MAP2K1: variants seen among roughly 807,000 people sequenced by gnomAD.
The protein encoded by MAP2K1 is dual specificity mitogen-activated protein kinase kinase 1.
A neutral mutation model predicts 46.3 loss-of-function variants in MAP2K1; 16 were observed. The ratio of observed to expected loss-of-function variants is 0.35; its 90% confidence interval spans 0.23 to 0.52. The LOEUF is 0.52. Among genes scored for constraint, MAP2K1 ranks in the 20% least tolerant of loss-of-function variants. MAP2K1 has a pLI of 0.94. For missense variants in MAP2K1, 263 were observed against 497.1 expected, an observed-to-expected ratio of 0.53 and a Z score of 4.48; for synonymous variants, 183 against 185.6, an observed-to-expected ratio of 0.99 and a Z score of 0.11.
intron 1 of MAP2K1, among the ~76,000 whole-genome samples, chr15:66,402,972 C>T (rs2093385963): frequency 6.6e-6 from 1 of 152,024 alleles, no homozygotes. Context: ...TTCCAAGGAG[C>T]TGTGAAAAAA....
intron 1 of MAP2K1, chr15:66,415,320 T>C: frequency 3.2e-6 from 1 of 315,294 alleles, no homozygotes. Context: ...GACACTCCTA[T>C]TACTTGAGAA....
chr15:66,489,437 C>T lies in MAP2K1; in HGVS notation c.1022+161C>T. The T allele has an allele frequency of 5.4e-6, 4 of 741,618 alleles. 1 individual carries two copies. The South Asian group carries it at 6.0e-5, about 11-fold the overall frequency. 45.9% of individuals were successfully genotyped at this position (741,618 alleles called of 1,614,324 possible). On this transcript the variant is annotated intron_variant, in intron 9 of 10. Coordinates refer to ENST00000307102, the MANE Select transcript of MAP2K1 (RefSeq NM_002755.4). ...CTGCCATAAGCCCTTTTTTAGAGTG[C>T]CAAGACTTATGTGGCATGTCTAACT... is the stretch of plus-strand genomic sequence containing the variant.
intron 1 of MAP2K1, among the ~76,000 whole-genome samples, chr15:66,419,998 A>G (rs537087982): frequency 1.3e-5 from 2 of 152,160 alleles, no homozygotes; most frequent in African/African-American, 4.8e-5. Context: ...TAGTCCCAGC[A>G]CTTTGGGAGG....
chr15:66,405,382 C>G (rs2093393895), intron 1 of MAP2K1, among the ~76,000 whole-genome samples: 1 of 152,174 alleles, frequency 6.6e-6, no homozygotes. Flanking sequence ...GGCTCAGTGT[C>G]CATGTGTGGC....
chr15:66,393,362 G>T (rs773464241), intron 1 of MAP2K1, among the ~76,000 whole-genome samples: 1 of 152,006 alleles, frequency 6.6e-6, no homozygotes, highest in Non-Finnish European at 1.5e-5. Context: ...ATTTTTAGTA[G>T]AGACAGGGTT....
chr15:66,446,078 A>G (rs777569438), intron 5 of MAP2K1, among the ~76,000 whole-genome samples: 1 of 152,078 alleles, frequency 6.6e-6, no homozygotes, highest in African/African-American at 2.4e-5. Context: ...ACCGAAAATT[A>G]GCCGGGCGTG....
intron 1 of MAP2K1, among the ~76,000 whole-genome samples, chr15:66,397,165 C>G (rs1034203036): frequency 6.6e-6 from 1 of 151,612 alleles, no homozygotes; most frequent in East Asian, 1.9e-4. Context: ...CCACCACGCC[C>G]GGCTAATTTT....
chr15:66,464,588 G>A (rs1224618291), intron 5 of MAP2K1, among the ~76,000 whole-genome samples: 4 of 151,944 alleles, frequency 2.6e-5, no homozygotes, highest in East Asian at 2.0e-4. Flanking sequence ...GCAGTGGCGT[G>A]ATCTTGGCTC....
At chr15:66,470,734 A>G (rs1031154707) in intron 5 of MAP2K1, among the ~76,000 whole-genome samples, 8 of 152,202 alleles carry the variant, frequency 5.3e-5, no homozygotes. Flanking sequence ...ACCTCCACTC[A>G]GAATCCCTTG....
chr15:66,407,037 G>A (rs1309259981), intron 1 of MAP2K1, among the ~76,000 whole-genome samples: 1 of 152,162 alleles, frequency 6.6e-6, no homozygotes, highest in East Asian at 1.9e-4. Context: ...GGCAACAGCT[G>A]GAAGGGGTCC....
At chr15:66,472,075 CA>C (rs56820379) in intron 5 of MAP2K1, among the ~76,000 whole-genome samples, 14 of 91,550 alleles carry the variant, frequency 1.5e-4, no homozygotes, top group Admixed American at 3.8e-4. Flanking sequence ...GACTCCATCT[CA>C]AAAAAAAAAA....
At chr15:66,440,064 C>G (rs1451929063) in intron 3 of MAP2K1, among the ~76,000 whole-genome samples, 1 of 151,706 alleles carries the variant, frequency 6.6e-6, no homozygotes, top group Non-Finnish European at 1.5e-5. Flanking sequence ...TTTCTCCGAT[C>G]AATTTTGGGG....
intron 1 of MAP2K1, among the ~76,000 whole-genome samples, chr15:66,421,115 CACACACACACATAT>C (rs1330334683): frequency 3.7e-4 from 30 of 81,646 alleles, no homozygotes; most frequent in African/African-American, 9.1e-4. Context: ...CACACACACA[CACACACACACATAT>C]ATATATATAT....
chr15:66,444,296 G>A (rs180786801), intron 4 of MAP2K1, among the ~76,000 whole-genome samples: 231 of 150,930 alleles, frequency 1.5e-3, no homozygotes, highest in Non-Finnish European at 2.5e-3. Flanking sequence ...CACTTTGGGA[G>A]GCCAAGGTGG....
chr15:66,418,503 G>T (rs1409871172), intron 1 of MAP2K1, among the ~76,000 whole-genome samples: 1 of 152,094 alleles, frequency 6.6e-6, no homozygotes, highest in Non-Finnish European at 1.5e-5. Flanking sequence ...AAGGATAAAA[G>T]ATATTTTTCT....
intron 1 of MAP2K1, among the ~76,000 whole-genome samples, chr15:66,400,306 C>T (rs992820336): frequency 6.6e-6 from 1 of 152,118 alleles, no homozygotes; most frequent in African/African-American, 2.4e-5. Context: ...TTACAGGTGT[C>T]AGCCACTGTG....
chr15:66,489,842 C>A (rs963136987), intron 10 of MAP2K1, 79 bp downstream of exon 10: 4 of 1,225,198 alleles, frequency 3.3e-6, no homozygotes, highest in South Asian at 1.2e-5. Flanking sequence ...TGCAGTACTT[C>A]CAGAGCCCAT....
Position 66,484,025 on chromosome 15 carries a change from G to A in MAP2K1, c.694-965G>A, listed in dbSNP as rs112067752. Among the ~76,000 whole-genome samples, 10 of 152,214 alleles carry A rather than the reference G, an allele frequency of 6.6e-5. 2 individuals are homozygous for A. The highest frequency in any genetic ancestry group is 2.4e-4 in the African/African-American group (10 of 41,528). ...GGCCTCCCAAAGTGCTGGGGTTACA[G>A]GCATGAGCCACCGCGCCTGGCTGTA... On this transcript the variant is annotated intron_variant, in intron 6 of 10. Coordinates refer to ENST00000307102, the MANE Select transcript of MAP2K1 (RefSeq NM_002755.4).
In MAP2K1 at chr15:66,435,015, A is replaced by G. The variant is rs758667573; in HGVS notation, c.81-12A>G. On this transcript the variant is annotated splice_polypyrimidine_tract_variant and intron_variant, in intron 1 of 10. Coordinates refer to ENST00000307102, the MANE Select transcript of MAP2K1 (RefSeq NM_002755.4). ...GTGACAGTATTGACTTGTGCTCCCCACTTTGGAACAGGACCAACTTGGAGG... is the reference window on the plus strand; with the variant it reads ...GTGACAGTATTGACTTGTGCTCCCCGCTTTGGAACAGGACCAACTTGGAGG... 1.3e-6 allele frequency: 2 copies of G among 1,584,540 alleles called. No homozygotes were observed. Among genetic ancestry groups the G allele is most frequent in the Non-Finnish European group, 1.7e-6 (2 of 1,153,290 alleles).
Sources: gnomAD v4.1 joint callset for allele counts (sites outside exome capture counted in the v4.1 genomes callset) on GRCh38, gnomAD v4.1.1 for gene constraint, MANE v1.5 for transcripts, NCBI Gene and HGNC (gene_info 2026-07-23, HGNC 2026-07-21) for gene names.